Variants in SPOCK3 observed in about 807,000 individuals in gnomAD.
The protein encoded by SPOCK3 is SPARC (osteonectin), cwcv and kazal like domains proteoglycan 3.
SPOCK3 carries 30 observed loss-of-function variants against 56.6 expected under a neutral mutation model. That is an observed-to-expected ratio of 0.53 (90% CI 0.40 to 0.72). The LOEUF (loss-of-function observed/expected upper bound fraction) is 0.72. Ranked by LOEUF, SPOCK3 falls within the 30% of genes least tolerant of loss-of-function variation. The pLI is 0.00. For synonymous variants in SPOCK3, 196 were observed against 183.3 expected (o/e 1.07, Z -0.56); for missense variants, 527 against 530.0 (o/e 0.99, Z 0.06).
chr4:166,895,333 G>T (rs1318409356), intron 5 of SPOCK3, among the ~76,000 whole-genome samples: 2 of 151,820 alleles, frequency 1.3e-5, no homozygotes, highest in Non-Finnish European at 2.9e-5. Flanking sequence ...TAAAAAATAA[G>T]ATGAGAATAG....
At chr4:167,081,319 A>G (rs985718999) in intron 2 of SPOCK3, among the ~76,000 whole-genome samples, 3 of 152,026 alleles carry the variant, frequency 2.0e-5, no homozygotes, top group Non-Finnish European at 4.4e-5. Flanking sequence ...TACACCAAGC[A>G]CAATTGCTGG....
intron 6 of SPOCK3, among the ~76,000 whole-genome samples, chr4:166,842,007 G>A (rs1275756824): frequency 6.6e-6 from 1 of 152,222 alleles, no homozygotes; most frequent in Non-Finnish European, 1.5e-5. Context: ...CTTCAGGAGT[G>A]AAGCTGCAGA....
intron 3 of SPOCK3, among the ~76,000 whole-genome samples, chr4:167,034,408 T>C (rs963485858): frequency 6.6e-6 from 1 of 151,900 alleles, no homozygotes; most frequent in Admixed American, 6.6e-5. Flanking sequence ...GTCGTCCCGG[T>C]ATTTTTCAGT....
chr4:166,980,159 A>G (rs908207264), intron 4 of SPOCK3, among the ~76,000 whole-genome samples: 3 of 152,202 alleles, frequency 2.0e-5, no homozygotes, highest in African/African-American at 4.8e-5. Context: ...CAGTGATTTT[A>G]TACTGTATTT....
chr4:167,196,003 C>T (rs1208468225), intron 2 of SPOCK3, among the ~76,000 whole-genome samples: 1 of 152,198 alleles, frequency 6.6e-6, no homozygotes, highest in African/African-American at 2.4e-5. Context: ...CCATAATCCT[C>T]TTCTCCATAT....
chr4:166,977,845 G>A (rs1482180175), intron 4 of SPOCK3, among the ~76,000 whole-genome samples: 1 of 152,154 alleles, frequency 6.6e-6, no homozygotes, highest in Non-Finnish European at 1.5e-5. Context: ...ATGTAAAACA[G>A]ATTTGAATCA....
At chr4:167,050,236 C>A (rs892395674) in intron 3 of SPOCK3, among the ~76,000 whole-genome samples, 26 of 152,218 alleles carry the variant, frequency 1.7e-4, no homozygotes, top group South Asian at 2.1e-4. Flanking sequence ...ACTCTTTCTA[C>A]ACAAAATTCT....
chr4:166,839,246 T>C (rs1289906239), intron 6 of SPOCK3, among the ~76,000 whole-genome samples: 2 of 152,290 alleles, frequency 1.3e-5, no homozygotes, highest in African/African-American at 4.8e-5. Flanking sequence ...TTCATCACTG[T>C]TGACCCTGAG....
intron 2 of SPOCK3, among the ~76,000 whole-genome samples, chr4:167,133,172 A>C (rs1363594005): frequency 6.6e-6 from 1 of 152,122 alleles, no homozygotes; most frequent in African/African-American, 2.4e-5. Flanking sequence ...TAGACAGAGT[A>C]TTTGGATTAT....
chr4:166,849,054 T>C (rs191946166), intron 6 of SPOCK3, among the ~76,000 whole-genome samples: 2 of 152,330 alleles, frequency 1.3e-5, no homozygotes, highest in African/African-American at 4.8e-5. Context: ...TTCACATGAA[T>C]ATATTCAGAG....
intron 6 of SPOCK3, among the ~76,000 whole-genome samples, chr4:166,794,643 CTTT>C (rs1170214198): frequency 3.1e-5 from 4 of 127,346 alleles, no homozygotes; most frequent in Non-Finnish European, 3.4e-5. Flanking sequence ...TTCTTTCTTT[CTTT>C]TTTTTTTTTT....
chr4:167,042,565 A>T (rs1266423643), intron 3 of SPOCK3, among the ~76,000 whole-genome samples: 2 of 152,128 alleles, frequency 1.3e-5, no homozygotes, highest in Non-Finnish European at 2.9e-5. Flanking sequence ...TAGACTGATC[A>T]GAAAACTCTG....
chr4:167,018,365 C>T (rs1750846745), intron 3 of SPOCK3, among the ~76,000 whole-genome samples: 1 of 152,004 alleles, frequency 6.6e-6, no homozygotes, highest in African/African-American at 2.4e-5. Flanking sequence ...CTCCATATTC[C>T]ATTCACTCTC....
intron 5 of SPOCK3, among the ~76,000 whole-genome samples, chr4:166,895,179 T>C (rs929409705): frequency 1.3e-5 from 2 of 152,092 alleles, no homozygotes; most frequent in Admixed American, 1.3e-4. Context: ...GTTTAATTAT[T>C]GGTATGATAC....
At chr4:166,841,562 T>C (rs1453159575) in intron 6 of SPOCK3, among the ~76,000 whole-genome samples, 1 of 152,232 alleles carries the variant, frequency 6.6e-6, no homozygotes, top group Non-Finnish European at 1.5e-5. Flanking sequence ...CTCTTATTTT[T>C]GTGTCTGTCA....
At chr4:166,935,060 A>T (rs1170108928) in intron 4 of SPOCK3, among the ~76,000 whole-genome samples, 4 of 152,184 alleles carry the variant, frequency 2.6e-5, no homozygotes, top group Non-Finnish European at 1.5e-5. Context: ...ACCTCAGATA[A>T]GCAAGGAGTA....
At chr4:167,037,729 G>T (rs934168926) in intron 3 of SPOCK3, among the ~76,000 whole-genome samples, 2 of 152,150 alleles carry the variant, frequency 1.3e-5, no homozygotes, top group African/African-American at 4.8e-5. Flanking sequence ...GTGTCACCTA[G>T]AACACCTAAC....
At chr4:167,180,495 G>C (rs1480311926) in intron 2 of SPOCK3, among the ~76,000 whole-genome samples, 1 of 152,180 alleles carries the variant, frequency 6.6e-6, no homozygotes, top group African/African-American at 2.4e-5. Context: ...ATAAAATTAA[G>C]AGAACCTTGA....
intron 6 of SPOCK3, among the ~76,000 whole-genome samples, chr4:166,799,401 C>G (rs1742306835): frequency 6.6e-6 from 1 of 152,230 alleles, no homozygotes; most frequent in East Asian, 1.9e-4. Flanking sequence ...GTAACAGCAG[C>G]TTTGAAGGCC....
Sources: allele counts gnomAD v4.1 joint callset (sites outside exome capture counted in the v4.1 genomes callset), GRCh38; gene constraint gnomAD v4.1.1; transcripts MANE v1.5; gene names NCBI Gene and HGNC (gene_info 2026-07-23, HGNC 2026-07-21).